The following SHISA9 variants were observed in gnomAD, a reference collection of about 807,000 sequenced individuals.
The protein encoded by SHISA9 is shisa family member 9.
Under a neutral mutation model 38.0 loss-of-function variants are expected in SHISA9, and 13 were observed. The observed-to-expected ratio is 0.34, with a 90% CI of 0.22 to 0.54. The LOEUF (loss-of-function observed/expected upper bound fraction) is 0.54, where lower values mean the gene tolerates loss of function less well. SHISA9 is among the 20% of genes least tolerant of loss of function. SHISA9 has a pLI of 0.91. For synonymous variants in SHISA9, 275 were observed against 242.0 expected, an observed-to-expected ratio of 1.14 and a Z score of -1.27; for missense variants, 538 against 575.8, an observed-to-expected ratio of 0.93 and a Z score of 0.67.
the SHISA9 span, among the ~76,000 whole-genome samples, chr16:13,378,125 G>GAT: frequency 7.2e-4 from 110 of 152,326 alleles, no homozygotes; most frequent in Non-Finnish European, 1.2e-3. Context: ...TAGGATAGAT[G>GAT]ATGTCTTGGG....
chr16:12,923,479 G>C (rs2071354212), intron 2 of SHISA9, among the ~76,000 whole-genome samples: 5 of 152,006 alleles, frequency 3.3e-5, no homozygotes. Flanking sequence ...AGTGAGCTGA[G>C]ATCATGCCAC....
intron 2 of SHISA9, among the ~76,000 whole-genome samples, chr16:12,947,298 G>A (rs890571413): frequency 8.5e-5 from 13 of 152,218 alleles, no homozygotes; most frequent in Non-Finnish European, 1.9e-4. Flanking sequence ...GGACCATGTG[G>A]CTATCTGGGA....
rs1207632908 is a variant in SHISA9, at chr16:12,902,610, A to G, written c.546A>G (p.Gln182=). Residue 182 remains glutamine, a synonymous_variant, in exon 1 of 5, where the codon CAA becomes CAG. Transcript: ENST00000558583. ...KLGLEKAHRP[Q]REHMSRALAD... ...GGCTGGAGAAAGCGCACCGGCCCCA[A>G]AGGGAGCACATGTCCAGGTGGGCTG... The G allele has an allele frequency of 4.5e-6, 7 of 1,549,534 alleles. No homozygotes were observed. Among genetic ancestry groups the G allele is most frequent in the Non-Finnish European group, 6.1e-6 (7 of 1,146,316 alleles).
chr16:12,984,774 G>A (rs1478487117), intron 2 of SHISA9, among the ~76,000 whole-genome samples: 1 of 152,116 alleles, frequency 6.6e-6, no homozygotes, highest in Non-Finnish European at 1.5e-5. Context: ...ATGCTTCTGT[G>A]GGCCTTGCTT....
the SHISA9 span, among the ~76,000 whole-genome samples, chr16:13,256,334 T>C: frequency 6.6e-6 from 1 of 152,196 alleles, no homozygotes; most frequent in African/African-American, 2.4e-5. Context: ...CAGGCTGGAG[T>C]GCAATGGTGC....
chr16:13,294,909 C>T, the SHISA9 span, among the ~76,000 whole-genome samples: 3 of 152,062 alleles, frequency 2.0e-5, no homozygotes, highest in Non-Finnish European at 2.9e-5. Context: ...GTGCAGTAAC[C>T]GTTCTAACAT....
the SHISA9 span, among the ~76,000 whole-genome samples, chr16:13,319,964 A>T: frequency 6.6e-6 from 1 of 152,104 alleles, no homozygotes; most frequent in African/African-American, 2.4e-5. Flanking sequence ...TTAGCCTGTT[A>T]AGATGAAACT....
chr16:13,497,731 A>C, the SHISA9 span, among the ~76,000 whole-genome samples: 1 of 151,942 alleles, frequency 6.6e-6, no homozygotes, highest in African/African-American at 2.4e-5. Context: ...GGACAAATTA[A>C]AATTTTAATA....
At chr16:12,953,017 A>G (rs1467879704) in intron 2 of SHISA9, among the ~76,000 whole-genome samples, 1 of 152,166 alleles carries the variant, frequency 6.6e-6, no homozygotes, top group African/African-American at 2.4e-5. Flanking sequence ...TAATATGTAA[A>G]TAAATAGTAA....
chr16:13,344,774 AC>A, the SHISA9 span, among the ~76,000 whole-genome samples: 1 of 152,176 alleles, frequency 6.6e-6, no homozygotes, highest in Non-Finnish European at 1.5e-5. Flanking sequence ...CCCAAATCTC[AC>A]AACCAGTAAA....
intron 2 of SHISA9, among the ~76,000 whole-genome samples, chr16:13,033,498 G>A (rs1166475392): frequency 6.6e-6 from 1 of 152,064 alleles, no homozygotes; most frequent in Non-Finnish European, 1.5e-5. Context: ...CATAATCATA[G>A]TAGTAGCTGC....
chr16:13,084,015 A>C (rs920011531), intron 2 of SHISA9, among the ~76,000 whole-genome samples: 2 of 152,216 alleles, frequency 1.3e-5, no homozygotes, highest in African/African-American at 4.8e-5. Flanking sequence ...CCAAGGTCAA[A>C]CTGCTAGCAG....
At chr16:12,918,506 A>C (rs1230637128) in intron 2 of SHISA9, among the ~76,000 whole-genome samples, 1 of 152,224 alleles carries the variant, frequency 6.6e-6, no homozygotes, top group African/African-American at 2.4e-5. Context: ...AAGTTTCATC[A>C]TTCCATCAGG....
At chr16:12,903,462 C>A (rs73512683) in intron 1 of SHISA9, among the ~76,000 whole-genome samples, 1,950 of 152,314 alleles carry the variant, frequency 0.013, 28 homozygotes, top group African/African-American at 0.045. Flanking sequence ...CTAGTTCCAG[C>A]AGATGGGAGA....
chr16:13,075,169 A>T (rs1470220575), intron 2 of SHISA9, among the ~76,000 whole-genome samples: 1 of 152,086 alleles, frequency 6.6e-6, no homozygotes, highest in African/African-American at 2.4e-5. Context: ...CAGCTACCCA[A>T]CTCCCATCTG....
chr16:13,458,146 CAT>C, the SHISA9 span, among the ~76,000 whole-genome samples: 2 of 152,198 alleles, frequency 1.3e-5, no homozygotes, highest in Non-Finnish European at 1.5e-5. Context: ...TGAAGGATAA[CAT>C]AGACATTCCA....
At chr16:12,976,878 GC>G (rs2072169741) in intron 2 of SHISA9, among the ~76,000 whole-genome samples, 1 of 152,170 alleles carries the variant, frequency 6.6e-6, no homozygotes, top group Non-Finnish European at 1.5e-5. Context: ...TCAGAGAGTG[GC>G]TGAAAGTGAG....
At chr16:13,250,804 G>A in the SHISA9 span, among the ~76,000 whole-genome samples, 9 of 152,260 alleles carry the variant, frequency 5.9e-5, no homozygotes, top group South Asian at 2.1e-4. Flanking sequence ...GAAGTCCATG[G>A]CAGCTGCTGC....
At chr16:13,330,526 G>A in the SHISA9 span, among the ~76,000 whole-genome samples, 1 of 152,174 alleles carries the variant, frequency 6.6e-6, no homozygotes, top group Non-Finnish European at 1.5e-5. Flanking sequence ...GAATGTACAA[G>A]CAAATAGGCA....
Sources: allele counts gnomAD v4.1 joint callset (sites outside exome capture counted in the v4.1 genomes callset), GRCh38; gene constraint gnomAD v4.1.1; transcripts MANE v1.5; gene names NCBI Gene and HGNC (gene_info 2026-07-23, HGNC 2026-07-21).